C1orf198: variants seen among roughly 807,000 people sequenced by gnomAD.
The protein encoded by C1orf198 is chromosome 1 open reading frame 198.
In C1orf198, 17 loss-of-function variants were observed where a neutral mutation model predicts 31.4. The ratio of observed to expected loss-of-function variants is 0.54; its 90% confidence interval spans 0.37 to 0.81. The LOEUF (loss-of-function observed/expected upper bound fraction) is 0.81, where lower values mean the gene tolerates loss of function less well. C1orf198 is among the 40% of genes least tolerant of loss of function. The pLI, the probability that C1orf198 is intolerant of heterozygous loss-of-function variation, is 0.00. For synonymous variants in C1orf198, 175 were observed against 193.8 expected (o/e 0.90, Z 0.81); for missense variants, 401 against 450.3 (o/e 0.89, Z 0.99).
intron 1 of C1orf198, among the ~76,000 whole-genome samples, chr1:230,861,208 A>G (rs1669996803): frequency 1.3e-5 from 2 of 152,076 alleles, no homozygotes; most frequent in Non-Finnish European, 2.9e-5. Context: ...TGATAAAAAC[A>G]ATGCAGGTTC....
Position 230,840,231 on chromosome 1 carries a change from T to G in C1orf198, c.928-323A>C, listed in dbSNP as rs1669405079. 6.6e-6 allele frequency among the ~76,000 whole-genome samples: 1 copy of G among 152,254 alleles called. No homozygotes were observed. Among genetic ancestry groups the G allele is most frequent in the Non-Finnish European group, 1.5e-5 (1 of 68,048 alleles). ...TCTGTTTCTGAATGACAGCCATGTT[T>G]AAATTTATTCATCCTAAATAAGAGA... On this transcript the variant is annotated intron_variant, in intron 3 of 3. Coordinates refer to ENST00000366663, the MANE Select transcript of C1orf198 (RefSeq NM_032800.3). This position sits in a 1 kb window ranked among gnomAD's most constrained non-coding sequence, Gnocchi z 4.0.
chr1:230,861,020 G>A (rs912017408), intron 1 of C1orf198, among the ~76,000 whole-genome samples: 2 of 152,172 alleles, frequency 1.3e-5, no homozygotes, highest in East Asian at 3.8e-4. Context: ...TCTGGAAAAG[G>A]CAAAACTACA....
intron 1 of C1orf198, chr1:230,856,016 G>A (rs1558140871): frequency 8.6e-7 from 1 of 1,160,018 alleles, no homozygotes; most frequent in Non-Finnish European, 1.1e-6. Flanking sequence ...GTGGATGAGG[G>A]CTTGATGGTC....
intron 2 of C1orf198, among the ~76,000 whole-genome samples, chr1:230,848,233 T>C (rs1410702990): frequency 6.6e-6 from 1 of 152,222 alleles, no homozygotes; most frequent in African/African-American, 2.4e-5. Context: ...GAGGTGACTA[T>C]GGGGAAGACA....
chr1:230,860,013 G>A (rs1461928433), intron 1 of C1orf198, among the ~76,000 whole-genome samples: 2 of 152,130 alleles, frequency 1.3e-5, no homozygotes, highest in African/African-American at 2.4e-5. Context: ...AGGTGTGTTG[G>A]AGCAGGCCTG....
intron 2 of C1orf198, among the ~76,000 whole-genome samples, chr1:230,851,454 C>A (rs766903956): frequency 6.6e-6 from 1 of 152,184 alleles, no homozygotes; most frequent in African/African-American, 2.4e-5. Context: ...CAGCCCAGAC[C>A]GCCTGGGGAA....
chr1:230,868,412 G>A lies in C1orf198; in HGVS notation c.101C>T (p.Ser34Leu). The change falls in exon 1 of 4, where the codon TCG becomes TTG. Residue 34 changes from serine to leucine, a missense_variant. Ser to Leu is a moderately radical substitution (Grantham distance 145). Transcript: ENST00000366663. ...DRERKRFTYFSSLSPMARKIM... is the reference protein window; with the variant it reads ...DRERKRFTYFLSLSPMARKIM... ...CTTCCTGGCCATGGGGCTCAGCGAC[G>A]AGAAGTAAGTGAAGCGCTTTCGCTC... 3 of 1,592,984 alleles carry A rather than the reference G, an allele frequency of 1.9e-6. No homozygotes were observed. The highest frequency in any genetic ancestry group is 3.4e-5 in the Admixed American group (2 of 58,410).
intron 2 of C1orf198, among the ~76,000 whole-genome samples, chr1:230,854,247 C>A (rs535485053): frequency 6.6e-6 from 1 of 152,148 alleles, no homozygotes; most frequent in Non-Finnish European, 1.5e-5. Flanking sequence ...TTCCAACACA[C>A]AGAGAATCTA....
At chr1:230,850,028 G>A (rs1669700447) in intron 2 of C1orf198, among the ~76,000 whole-genome samples, 1 of 152,184 alleles carries the variant, frequency 6.6e-6, no homozygotes, top group African/African-American at 2.4e-5. Context: ...GGAGAACTCA[G>A]CTGAGGCCCA....
At chr1:230,853,551 G>C (rs6673901) in intron 2 of C1orf198, among the ~76,000 whole-genome samples, 18,776 of 152,048 alleles carry the variant, frequency 0.12, 2,493 homozygotes, top group African/African-American at 0.34. Context: ...TCTGAGATAC[G>C]CTCTATTTTG....
intron 2 of C1orf198, among the ~76,000 whole-genome samples, chr1:230,848,827 C>T (rs758798200): frequency 4.6e-5 from 7 of 152,076 alleles, no homozygotes; most frequent in African/African-American, 4.8e-5. Context: ...TGTCTAGATC[C>T]GACTCTGCTC....
chr1:230,858,692 C>T (rs1183448654), intron 1 of C1orf198, among the ~76,000 whole-genome samples: 1 of 152,262 alleles, frequency 6.6e-6, no homozygotes, highest in Non-Finnish European at 1.5e-5. Context: ...GGACCACTGA[C>T]TGGCCAGGGT....
At position 230,843,751 on chromosome 1, in the gene C1orf198, T is replaced by A; in HGVS notation, c.530A>T (p.Asp177Val). ...SSQGSRSSSL[D>V]ALGPTRKEEE... is the part of the protein sequence containing the mutation. ...CTCCTTCCTGGTGGGGCCCAGGGCG[T>A]CCAGGCTGGAGGACCTGCTGCCTTG... is the stretch of plus-strand genomic sequence containing the variant. The change falls in exon 3 of 4, where the codon GAC (aspartate) becomes GTC (valine). Residue 177 changes from aspartate (D) to valine (V), a missense_variant. By Grantham distance (152) the Asp-to-Val change is radical. Transcript: ENST00000366663. This position sits in a 1 kb window ranked among gnomAD's most constrained non-coding sequence, Gnocchi z 4.9. 6.2e-7 allele frequency: 1 copy of A among 1,613,882 alleles called. No individual in the cohort carries two copies. Among genetic ancestry groups the A allele is most frequent in the Non-Finnish European group, 8.5e-7 (1 of 1,179,852 alleles).
chr1:230,865,450 A>C (rs549706014), intron 1 of C1orf198, among the ~76,000 whole-genome samples: 2 of 152,350 alleles, frequency 1.3e-5, no homozygotes, highest in East Asian at 3.9e-4. Context: ...TGGGAGGATG[A>C]AGTACCCTAA....
chr1:230,844,782 C>A (rs1219028676), intron 2 of C1orf198, among the ~76,000 whole-genome samples: 1 of 152,208 alleles, frequency 6.6e-6, no homozygotes, highest in Non-Finnish European at 1.5e-5. Context: ...GAGGGCAGGG[C>A]AGGGCCTGGC....
intron 1 of C1orf198, among the ~76,000 whole-genome samples, chr1:230,860,609 C>A (rs184127309): frequency 1.1e-3 from 162 of 152,204 alleles, no homozygotes; most frequent in Non-Finnish European, 1.7e-3. Flanking sequence ...AAGCCAGACA[C>A]AAGGATAAAA....
rs760322068 is a variant in C1orf198 at position 230,868,414 on chromosome 1, G to C, written c.99C>G (p.Phe33Leu). The C allele has an allele frequency of 6.9e-6, 11 of 1,590,850 alleles. No individual in the cohort carries two copies. The African/African-American group carries it at 9.7e-5, about 14-fold the overall frequency. ...DDRERKRFTY[F>L]SSLSPMARKI... is the part of the protein sequence containing the mutation. ...TCCTGGCCATGGGGCTCAGCGACGA[G>C]AAGTAAGTGAAGCGCTTTCGCTCCC... is the stretch of plus-strand genomic sequence containing the variant. Residue 33 changes from phenylalanine (F) to leucine (L), a missense_variant, in exon 1 of 4, where the codon TTC (phenylalanine) becomes TTG (leucine). Coordinates refer to ENST00000366663, the MANE Select transcript of C1orf198 (RefSeq NM_032800.3).
chr1:230,840,648 C>G lies in C1orf198; in HGVS notation c.928-740G>C, dbSNP rs376032853. Among the ~76,000 whole-genome samples, 14 of 152,296 alleles carry G rather than the reference C, an allele frequency of 9.2e-5. No homozygotes were observed. Among genetic ancestry groups the G allele is most frequent in the South Asian group, 4.1e-4 (2 of 4,822 alleles). Reference sequence around the variant, plus strand: ...CACTCAGCAGCCTGTTTCTGATGTCCCTTTCCTCCAGCCTAACACCGGCAG... The same window carrying G: ...CACTCAGCAGCCTGTTTCTGATGTCGCTTTCCTCCAGCCTAACACCGGCAG... On this transcript the variant is annotated intron_variant, in intron 3 of 3. Transcript: ENST00000366663. The surrounding 1 kb of genome is among the most constrained non-coding windows in gnomAD (Gnocchi z 4.0).
At chr1:230,861,675 C>T (rs866646085) in intron 1 of C1orf198, among the ~76,000 whole-genome samples, 1 of 152,332 alleles carries the variant, frequency 6.6e-6, no homozygotes. Flanking sequence ...CCATAACAAA[C>T]ATCCTGATAT....
Sources: gnomAD v4.1 joint callset for allele counts (sites outside exome capture counted in the v4.1 genomes callset) on GRCh38, gnomAD v4.1.1 for gene constraint, Gnocchi (gnomAD v3.1) non-coding constraint, MANE v1.5 for transcripts, NCBI Gene and HGNC (gene_info 2026-07-23, HGNC 2026-07-21) for gene names.